The following HSD17B4 variants were observed in gnomAD, a reference collection of about 807,000 sequenced individuals.
The protein encoded by HSD17B4 is peroxisomal multifunctional enzyme type 2.
HSD17B4 carries 70 observed loss-of-function variants against 101.0 expected under a neutral mutation model. That is an observed-to-expected ratio of 0.69 (90% CI 0.57 to 0.85). The LOEUF is 0.85. HSD17B4 is among the 40% of genes least tolerant of loss of function. HSD17B4 has a pLI of 0.00. For missense variants in HSD17B4, 984 were observed against 892.4 expected (o/e 1.10, Z -1.31); for synonymous variants, 347 against 297.1 (o/e 1.17, Z -1.73).
intron 14 of HSD17B4, among the ~76,000 whole-genome samples, chr5:119,504,492 G>A (rs1224310008): frequency 6.6e-6 from 1 of 152,058 alleles, no homozygotes; most frequent in Non-Finnish European, 1.5e-5. Flanking sequence ...ATGTGACATG[G>A]TATCTCATTG....
intron 2 of HSD17B4, among the ~76,000 whole-genome samples, chr5:119,470,439 G>A (rs997161134): frequency 2.6e-5 from 4 of 152,144 alleles, no homozygotes; most frequent in South Asian, 2.1e-4. Flanking sequence ...ATGGGATAGG[G>A]AGGACTCAGC....
rs1752492768 is a variant in HSD17B4, at chr5:119,515,038, C to G, written c.1495C>G (p.Leu499Val). Residue 499 changes from leucine to valine, a missense_variant, in exon 17 of 24, where the codon CTT becomes GTT. By Grantham distance (32) the Leu-to-Val change is conservative. Coordinates refer to ENST00000510025, the MANE Select transcript of HSD17B4 (RefSeq NM_000414.4). ...PDAVLTDTTS[L>V]NQAALYRLSG... ...TGCTGTACTTACAGATACCACCTCT[C>G]TTAATCAGGTAAGATTGTATTTTTG... The G allele has an allele frequency of 6.4e-7, 1 of 1,570,054 alleles. No homozygotes were observed. The highest frequency in any genetic ancestry group is 8.8e-7 in the Non-Finnish European group (1 of 1,140,034).
intron 16 of HSD17B4, among the ~76,000 whole-genome samples, chr5:119,512,134 A>G (rs973455980): frequency 6.6e-6 from 1 of 152,218 alleles, no homozygotes; most frequent in Non-Finnish European, 1.5e-5. Flanking sequence ...AAGCTTAAAG[A>G]TAGATTGATA....
intron 2 of HSD17B4, among the ~76,000 whole-genome samples, chr5:119,459,435 CTT>C (rs1280549086): frequency 6.6e-6 from 1 of 152,212 alleles, no homozygotes; most frequent in Non-Finnish European, 1.5e-5. Flanking sequence ...TGACTGAGGT[CTT>C]GTTGACTCAA....
chr5:119,470,688 CT>C (rs756024156), intron 2 of HSD17B4, among the ~76,000 whole-genome samples: 38 of 152,342 alleles, frequency 2.5e-4, no homozygotes, highest in South Asian at 1.0e-3. Flanking sequence ...GTTTTTGTCA[CT>C]TCCTTGCTGA....
At chr5:119,456,184 G>C in intron 1 of HSD17B4, 131 bp from the exon 2 acceptor site, 2 of 723,568 alleles carry the variant, frequency 2.8e-6, no homozygotes, top group East Asian at 5.3e-5. Flanking sequence ...GTCAGTGATA[G>C]GATAGGTTGA....
chr5:119,479,386 A>G (rs1213340526), intron 8 of HSD17B4, among the ~76,000 whole-genome samples: 1 of 152,166 alleles, frequency 6.6e-6, no homozygotes, highest in Non-Finnish European at 1.5e-5. Context: ...GAATTCTTCT[A>G]TACTTTACCT....
intron 8 of HSD17B4, among the ~76,000 whole-genome samples, chr5:119,486,180 A>G (rs532048399): frequency 1.3e-5 from 2 of 152,336 alleles, no homozygotes; most frequent in African/African-American, 4.8e-5. Context: ...AGGGTCACCA[A>G]GACAGAAGCT....
intron 2 of HSD17B4, among the ~76,000 whole-genome samples, chr5:119,468,845 C>T (rs1483905260): frequency 6.0e-5 from 9 of 150,036 alleles, no homozygotes; most frequent in Non-Finnish European, 1.0e-4. Flanking sequence ...TTTCAAAAGT[C>T]CTGTCTTTGA....
intron 17 of HSD17B4, among the ~76,000 whole-genome samples, 188 bp downstream of exon 17, chr5:119,515,234 T>C (rs1752513084): frequency 6.6e-6 from 1 of 152,144 alleles, no homozygotes; most frequent in Non-Finnish European, 1.5e-5. Flanking sequence ...GTTATTAATG[T>C]TTTCCCACTA....
chr5:119,512,055 A>G (rs553331660), intron 16 of HSD17B4, among the ~76,000 whole-genome samples: 4 of 152,316 alleles, frequency 2.6e-5, no homozygotes, highest in South Asian at 2.1e-4. Context: ...AGCTGAAAGT[A>G]TAATAACTGA....
At chr5:119,489,029 A>C (rs1024646299) in intron 8 of HSD17B4, among the ~76,000 whole-genome samples, 163 bp from the exon 9 acceptor site, 1 of 152,126 alleles carries the variant, frequency 6.6e-6, no homozygotes, top group Non-Finnish European at 1.5e-5. Flanking sequence ...GGCTCAGTTG[A>C]GATTACAAAA....
intron 18 of HSD17B4, chr5:119,525,632 A>G (rs993376804): frequency 3.8e-6 from 2 of 521,826 alleles, no homozygotes; most frequent in Middle Eastern, 1.1e-3. Flanking sequence ...TGTTGAGAGT[A>G]CCCTGGATGA....
chr5:119,535,148 C>T (rs139345287), intron 22 of HSD17B4, among the ~76,000 whole-genome samples: 81 of 152,020 alleles, frequency 5.3e-4, no homozygotes, highest in African/African-American at 1.9e-3. Flanking sequence ...GACATGATGT[C>T]CCTTTATGCC....
rs1235824271 is a variant in HSD17B4 at position 119,475,970 on chromosome 5, T to G, written c.349+100T>G. 1.8e-5 allele frequency: 15 copies of G among 827,948 alleles called. No individual in the cohort carries two copies. In the Admixed American group the frequency reaches 2.9e-4, roughly 16 times the overall value. The allele number at this position is 827,948 out of a possible 1,614,324, so 51.3% of individuals were successfully genotyped here. On this transcript the variant is annotated intron_variant, in intron 6 of 23. Transcript: ENST00000510025. ...ATTTAAGGAAAAACCTGCTTCTATC[T>G]ACTTTTGCTGCTAATATAAATGATG...
chr5:119,486,640 A>G (rs1234797957), intron 8 of HSD17B4, among the ~76,000 whole-genome samples: 2 of 152,126 alleles, frequency 1.3e-5, no homozygotes, highest in East Asian at 1.9e-4. Context: ...TCATTCGATT[A>G]TATTGCTGCA....
At position 119,506,714 on chromosome 5, in the gene HSD17B4, A is replaced by G. The variant is rs1478512765; in HGVS notation, c.1262-104A>G. 7.7e-6 allele frequency: 5 copies of G among 645,518 alleles called. No homozygotes were observed. The Admixed American group carries it at 9.9e-5, about 13-fold the overall frequency. The allele number at this position is 645,518 out of a possible 1,614,324, so 40.0% of individuals were successfully genotyped here. ...ACACTATTTCAAACCATAGTTTTTT[A>G]GTTTTGCTGAGCTTACAGTGGAAAT... On this transcript the variant is annotated intron_variant, in intron 14 of 23. Coordinates refer to ENST00000510025, the MANE Select transcript of HSD17B4 (RefSeq NM_000414.4).
chr5:119,541,388 C>T (rs1313349258), intron 23 of HSD17B4, among the ~76,000 whole-genome samples: 1 of 152,186 alleles, frequency 6.6e-6, no homozygotes, highest in African/African-American at 2.4e-5. Context: ...TTCTCAAGCT[C>T]ACCTTGCTAT....
chr5:119,525,216 G>T lies in HSD17B4; in HGVS notation c.1504G>T (p.Ala502Ser). The stretch of plus-strand genomic sequence containing the variant: ...AGTTATGTTTATGCTTTCTCCACAG[G>T]CTGCTTTGTACCGCCTCAGTGGAGA... The part of the protein sequence containing the change: ...VLTDTTSLNQ[A>S]ALYRLSGDWN... The change falls in exon 18 of 24, where the codon GCT (alanine) becomes TCT (serine). Residue 502 changes from alanine (A) to serine (S), a missense_variant and splice_region_variant. Ala to Ser is a moderately conservative substitution (Grantham distance 99). Coordinates refer to ENST00000510025, the MANE Select transcript of HSD17B4 (RefSeq NM_000414.4). 6.2e-7 allele frequency: 1 copy of T among 1,608,618 alleles called. No homozygotes were observed. Among genetic ancestry groups the T allele is most frequent in the Non-Finnish European group, 8.5e-7 (1 of 1,175,472 alleles).
Sources: allele counts gnomAD v4.1 joint callset (sites outside exome capture counted in the v4.1 genomes callset), GRCh38; gene constraint gnomAD v4.1.1; transcripts MANE v1.5; gene names NCBI Gene and HGNC (gene_info 2026-07-23, HGNC 2026-07-21).